Variants in NUP88 observed in about 807,000 individuals in gnomAD.
The protein encoded by NUP88 is nuclear pore complex protein Nup88.
A neutral mutation model predicts 93.9 loss-of-function variants in NUP88; 57 were observed. The ratio of observed to expected loss-of-function variants is 0.61; its 90% CI spans 0.49 to 0.76. The LOEUF is 0.76. Among genes scored for constraint, NUP88 ranks in the 30% least tolerant of loss-of-function variants. The pLI, the probability that NUP88 is intolerant of heterozygous loss-of-function variation, is 0.00. For synonymous variants in NUP88, 346 were observed against 336.8 expected (o/e 1.03, Z -0.30); for missense variants, 911 against 901.0 (o/e 1.01, Z -0.14).
chr17:5,387,545 G>C, intron 13 of NUP88, 60 bp downstream of exon 13: 1 of 1,594,536 alleles, frequency 6.3e-7, no homozygotes, highest in Non-Finnish European at 8.6e-7. Flanking sequence ...AGCATCTTAG[G>C]GTGAGAATAT....
intron 14 of NUP88, 121 bp from the exon 15 acceptor site, chr17:5,387,231 G>T: frequency 7.7e-7 from 1 of 1,306,964 alleles, no homozygotes; most frequent in Non-Finnish European, 1.1e-6. Flanking sequence ...GAAGGGTTAG[G>T]GGAGAGCCTC....
chr17:5,399,628 A>C lies in NUP88; in HGVS notation c.1215T>G (p.Tyr405Ter), dbSNP rs767108026. Residue 405 changes from tyrosine (Y) to a stop codon, truncating the protein, a stop_gained, in exon 8 of 17, where the codon TAT becomes TAG. Transcript: ENST00000573584. LOFTEE classifies it high-confidence loss of function. ...GTACACCAGCTTCATGAGTACAGTGATATCTTGAAGGACACTTGGGATCTG... is the reference window on the plus strand; with the variant it reads ...GTACACCAGCTTCATGAGTACAGTGCTATCTTGAAGGACACTTGGGATCTG... ...LHRDPKCPSR[Y>*]HCTHEAGVHS... is the part of the protein sequence containing the mutation. 3.1e-6 allele frequency: 5 copies of C among 1,601,266 alleles called. No homozygotes were observed. Among genetic ancestry groups the C allele is most frequent in the Non-Finnish European group, 4.3e-6 (5 of 1,170,272 alleles).
chr17:5,386,255 C>T lies in NUP88; in HGVS notation c.2177G>A (p.Arg726Lys), dbSNP rs747500412. The change falls in exon 17 of 17, where the codon AGG becomes AAG. Residue 726 changes from arginine (R) to lysine (K), a missense_variant. Arg to Lys is a conservative substitution (Grantham distance 26). Transcript: ENST00000573584. ...ATCATTGATTTGCTTCACCATTTCCCTTATATGTTCACCCCTGTAAAATTG... is the reference window on the plus strand; with the variant it reads ...ATCATTGATTTGCTTCACCATTTCCTTTATATGTTCACCCCTGTAAAATTG... ...SILKEEGEHI[R>K]EMVKQINDIR... is the part of the protein sequence containing the mutation. The T allele has an allele frequency of 1.9e-6, 3 of 1,612,156 alleles. No homozygotes were observed. The highest frequency in any genetic ancestry group is 2.2e-5 in the South Asian group (2 of 90,688).
rs1806232 is a variant in NUP88 at position 5,391,467 on chromosome 17, T to C, written c.1484+94A>G. The C allele has an allele frequency of 6.7e-5, 62 of 931,872 alleles. No homozygotes were observed. The Admixed American group carries it at 9.2e-4, about 14-fold the overall frequency. 57.7% of individuals were successfully genotyped at this position (931,872 alleles called of 1,614,324 possible). On this transcript the variant is annotated intron_variant, in intron 10 of 16. Transcript: ENST00000573584. ...CAGAAGCCAAAGTATAAACCACACATGTATAGCTTCAAGTTGGTTACTGAG... is the reference window on the plus strand; with the variant it reads ...CAGAAGCCAAAGTATAAACCACACACGTATAGCTTCAAGTTGGTTACTGAG...
At chr17:5,418,453 C>T (rs1158086561) in intron 1 of NUP88, among the ~76,000 whole-genome samples, 1 of 152,048 alleles carries the variant, frequency 6.6e-6, no homozygotes, top group Non-Finnish European at 1.5e-5. Flanking sequence ...GGGGTTTCAC[C>T]ATGTTGGCCA....
intron 4 of NUP88, among the ~76,000 whole-genome samples, chr17:5,410,264 A>T (rs1913754452): frequency 1.3e-5 from 2 of 152,218 alleles, no homozygotes; most frequent in Admixed American, 1.3e-4. Context: ...GTATATCAAG[A>T]AGGCAAATCA....
At chr17:5,401,188 A>C (rs1597323373) in intron 7 of NUP88, among the ~76,000 whole-genome samples, 1 of 152,234 alleles carries the variant, frequency 6.6e-6, no homozygotes, top group Middle Eastern at 3.4e-3. Context: ...GTTCAAGACC[A>C]ACCTGACCAA....
At chr17:5,405,448 A>G (rs955215473) in intron 5 of NUP88, among the ~76,000 whole-genome samples, 3 of 152,194 alleles carry the variant, frequency 2.0e-5, no homozygotes, top group African/African-American at 7.2e-5. Flanking sequence ...CCTAGCGGAC[A>G]GTGGCAATGT....
intron 15 of NUP88, 33 bp downstream of exon 15, chr17:5,386,951 T>C (rs1367308030): frequency 1.9e-6 from 3 of 1,604,458 alleles, no homozygotes; most frequent in Non-Finnish European, 2.6e-6. Context: ...TAAGAAAAAT[T>C]ACCAAATTTA....
chr17:5,387,060 T>C lies in NUP88; in HGVS notation c.1967A>G (p.Asp656Gly). 1 of 1,614,112 alleles carries C rather than the reference T, an allele frequency of 6.2e-7. No homozygotes were observed. The highest frequency in any genetic ancestry group is 1.6e-4 in the Middle Eastern group (1 of 6,062). ...SFHSELPVLSDSERDMKKELQ... is the reference protein window; with the variant it reads ...SFHSELPVLSGSERDMKKELQ... Reference sequence around the variant, plus strand: ...TTCTTTCTTCATGTCTCGCTCACTATCAGAGAGAACTGGGAGCTCAGAGTG... The same window carrying C: ...TTCTTTCTTCATGTCTCGCTCACTACCAGAGAGAACTGGGAGCTCAGAGTG... Residue 656 changes from aspartate to glycine, a missense_variant, in exon 15 of 17, where the codon GAT becomes GGT. Coordinates refer to ENST00000573584, the MANE Select transcript of NUP88 (RefSeq NM_002532.6).
intron 10 of NUP88, chr17:5,391,342 C>T: frequency 2.2e-6 from 1 of 462,066 alleles, no homozygotes; most frequent in Non-Finnish European, 3.9e-6. Flanking sequence ...AAGCTCCTGA[C>T]TCTCAGCTAG....
In NUP88 at chr17:5,419,459, G is replaced by A. The variant is rs760525812; in HGVS notation, c.192C>T (p.Leu64=). The part of the protein sequence containing the change: ...QLLTRNVVFG[L]GGELFLWDGE... ...CGTCCCACAGGAAAAGCTCTCCGCC[G>A]AGGCCAAAGACCACGTTTCTCGTCA... is the stretch of plus-strand genomic sequence containing the variant. Residue 64 remains leucine, a synonymous_variant, in exon 1 of 17, where the codon CTC becomes CTT. Coordinates refer to ENST00000573584, the MANE Select transcript of NUP88 (RefSeq NM_002532.6). 1.9e-6 allele frequency: 3 copies of A among 1,613,870 alleles called. No homozygotes were observed. The highest frequency in any genetic ancestry group is 2.5e-6 in the Non-Finnish European group (3 of 1,179,966).
chr17:5,416,015 C>T (rs1367463039), intron 2 of NUP88, among the ~76,000 whole-genome samples: 1 of 151,440 alleles, frequency 6.6e-6, no homozygotes, highest in Non-Finnish European at 1.5e-5. Flanking sequence ...CATGGTAGCG[C>T]TTGCCTGTAA....
In NUP88 at chr17:5,419,651, C is replaced by G; in HGVS notation, c.-1G>C. On this transcript the variant is annotated 5_prime_UTR_variant, in exon 1 of 17. Transcript: ENST00000573584. The stretch of plus-strand genomic sequence containing the variant: ...CCACCGGTCCCTCGGCGGCCGCCAT[C>G]TTGGCCCAACTGCTCCCCTCACTCC... 1.3e-6 allele frequency: 2 copies of G among 1,583,418 alleles called. No homozygotes were observed. The highest frequency in any genetic ancestry group is 1.3e-5 in the African/African-American group (1 of 74,702).
At position 5,387,461 on chromosome 17, in the gene NUP88, C is replaced by CT. The variant is rs1438386937; in HGVS notation, c.1840dup (p.Ser614LysfsTer7). ...TAAACGCTCAGCCATTTCCCGCAGA[C>CT]TTTTCCTAATGATGTAAGACACAAG... On this transcript the variant is annotated frameshift_variant, in exon 14 of 17. Coordinates refer to ENST00000573584, the MANE Select transcript of NUP88 (RefSeq NM_002532.6). LOFTEE classifies it high-confidence loss of function. 1 of 1,614,040 alleles carries CT rather than the reference C, an allele frequency of 6.2e-7. No homozygotes were observed. The highest frequency in any genetic ancestry group is 8.5e-7 in the Non-Finnish European group (1 of 1,179,994).
intron 2 of NUP88, among the ~76,000 whole-genome samples, chr17:5,415,318 C>T (rs1914074205): frequency 6.6e-6 from 1 of 152,158 alleles, no homozygotes. Context: ...TCGTGCCTGG[C>T]TCCAAATTAT....
chr17:5,398,148 A>G (rs1026810267), intron 8 of NUP88, among the ~76,000 whole-genome samples: 2 of 49,668 alleles, frequency 4.0e-5, no homozygotes, highest in Admixed American at 3.8e-4. Flanking sequence ...CCTAACCTCA[A>G]GTGCCTCGGC....
chr17:5,416,159 A>ATATATAT (rs1302350232), intron 2 of NUP88, among the ~76,000 whole-genome samples: 1 of 70,980 alleles, frequency 1.4e-5, no homozygotes, highest in African/African-American at 4.9e-5. Context: ...AAAAAAAAAA[A>ATATATAT]AAAAAAAGTA....
chr17:5,387,690 T>C lies in NUP88; in HGVS notation c.1770-20A>G. 1.2e-6 allele frequency: 2 copies of C among 1,609,550 alleles called. No individual in the cohort carries two copies. The highest frequency in any genetic ancestry group is 1.1e-5 in the South Asian group (1 of 90,822). On this transcript the variant is annotated intron_variant, in intron 12 of 16. Coordinates refer to ENST00000573584, the MANE Select transcript of NUP88 (RefSeq NM_002532.6). ...TTGACCCTTTAAAAACAAAAAGAAA[T>C]AGAGTTTATTCAGAAGCCAGGTCTA...
Sources: gnomAD v4.1 joint callset for allele counts (sites outside exome capture counted in the v4.1 genomes callset) on GRCh38, gnomAD v4.1.1 for gene constraint, MANE v1.5 for transcripts, NCBI Gene and HGNC (gene_info 2026-07-23, HGNC 2026-07-21) for gene names.